ROBO2: variants seen among roughly 807,000 people sequenced by gnomAD.
The protein encoded by ROBO2 is roundabout guidance receptor 2.
Under a neutral mutation model 160.8 loss-of-function variants are expected in ROBO2, and 53 were observed. The ratio of observed to expected loss-of-function variants is 0.33; its 90% confidence interval spans 0.26 to 0.41. The LOEUF is 0.41. ROBO2 is among the 10% of genes least tolerant of loss of function. ROBO2 has a pLI of 1.00. For synonymous variants in ROBO2, 664 were observed against 611.7 expected, an observed-to-expected ratio of 1.09 and a Z score of -1.26; for missense variants, 1,577 against 1,722.4, an observed-to-expected ratio of 0.92 and a Z score of 1.49.
At chr3:77,049,814 G>A (rs142528730) in intron 1 of ROBO2, among the ~76,000 whole-genome samples, 20 of 152,272 alleles carry the variant, frequency 1.3e-4, no homozygotes, top group African/African-American at 4.8e-4. Context: ...GGCTTTTCAA[G>A]TTTAAGCAAG....
chr3:76,948,874 T>TTATATATATATATATA (rs71104642), intron 2 of ROBO2, among the ~76,000 whole-genome samples: 11 of 48,594 alleles, frequency 2.3e-4, no homozygotes, highest in African/African-American at 6.4e-4. Context: ...CCGGCTAATT[T>TTATATATATATATATA]TATATATATA....
At chr3:76,827,990 TTAAAA>T (rs1215187429) in intron 2 of ROBO2, among the ~76,000 whole-genome samples, 4 of 152,302 alleles carry the variant, frequency 2.6e-5, no homozygotes, top group East Asian at 1.9e-4. Flanking sequence ...GTTAAGGGTC[TTAAAA>T]TAAAGAGTTG....
chr3:76,051,410 A>G (rs2067649218), intron 2 of ROBO2, among the ~76,000 whole-genome samples: 2 of 152,312 alleles, frequency 1.3e-5, no homozygotes, highest in East Asian at 1.9e-4. Flanking sequence ...TTGTTTTCAC[A>G]TGTATATTAC....
intron 2 of ROBO2, among the ~76,000 whole-genome samples, chr3:76,837,768 T>C (rs1576960111): frequency 6.6e-6 from 1 of 151,984 alleles, no homozygotes; most frequent in East Asian, 1.9e-4. Flanking sequence ...CACAGTATAG[T>C]TATGAAATTC....
chr3:76,352,334 C>T (rs143689883), intron 2 of ROBO2, among the ~76,000 whole-genome samples: 1 of 152,134 alleles, frequency 6.6e-6, no homozygotes, highest in African/African-American at 2.4e-5. Context: ...CACATCCCCT[C>T]GTTCCTACTG....
intron 24 of ROBO2, among the ~76,000 whole-genome samples, chr3:77,638,917 T>C (rs779176779): frequency 1.2e-4 from 18 of 146,148 alleles, no homozygotes; most frequent in Non-Finnish European, 2.5e-4. Context: ...ACTCCCACCT[T>C]CCGGGTTCAA....
At chr3:76,220,748 A>AACAC (rs370105134) in intron 2 of ROBO2, among the ~76,000 whole-genome samples, 31 of 151,090 alleles carry the variant, frequency 2.1e-4, no homozygotes, top group African/African-American at 7.0e-4. Context: ...ATTTGATGAA[A>AACAC]ACACACACAC....
In ROBO2 at chr3:76,268,954, G is replaced by T. The variant is rs996158151; in HGVS notation, c.109+331352G>T. Among the ~76,000 whole-genome samples the T allele has an allele frequency of 6.6e-5, 10 of 151,994 alleles. No homozygotes were observed. In the South Asian group the frequency reaches 1.5e-3, roughly 22 times the overall value. On this transcript the variant is annotated intron_variant, in intron 2 of 26. Coordinates refer to the ROBO2 transcript ENST00000487694. ...TTGTTAACCTAGTAGCCATTTGTTG[G>T]CAGTAATTCAAATCAGAGATTTGTT...
chr3:76,036,002 T>A (rs1431633794), intron 2 of ROBO2, among the ~76,000 whole-genome samples: 1 of 151,982 alleles, frequency 6.6e-6, no homozygotes, highest in East Asian at 1.9e-4. Context: ...CTCTTTTTTT[T>A]AACTTACATT....
chr3:76,943,987 T>C (rs1182473533), intron 2 of ROBO2, among the ~76,000 whole-genome samples: 1 of 152,214 alleles, frequency 6.6e-6, no homozygotes, highest in Non-Finnish European at 1.5e-5. Context: ...TTTATTTTTC[T>C]CTTTAAAATG....
chr3:77,402,077 C>T (rs1240763740), intron 2 of ROBO2, among the ~76,000 whole-genome samples: 1 of 152,158 alleles, frequency 6.6e-6, no homozygotes, highest in Admixed American at 6.6e-5. Flanking sequence ...TGCATATATA[C>T]ACCATGAAAT....
intron 2 of ROBO2, among the ~76,000 whole-genome samples, chr3:77,360,801 ATTCTT>A (rs2069860560): frequency 6.6e-6 from 1 of 152,048 alleles, no homozygotes; most frequent in Non-Finnish European, 1.5e-5. Context: ...TCACAACTTA[ATTCTT>A]AGCACTTTCA....
At chr3:76,674,066 T>C (rs954761406) in intron 2 of ROBO2, among the ~76,000 whole-genome samples, 2 of 152,062 alleles carry the variant, frequency 1.3e-5, no homozygotes, top group East Asian at 1.9e-4. Context: ...TGTCATTCAT[T>C]TTATATATTC....
intron 2 of ROBO2, among the ~76,000 whole-genome samples, chr3:76,738,383 T>C (rs552008740): frequency 2.0e-5 from 3 of 152,130 alleles, no homozygotes; most frequent in Non-Finnish European, 2.9e-5. Context: ...GTTGACCTTT[T>C]GGGCCAAATA....
intron 2 of ROBO2, among the ~76,000 whole-genome samples, chr3:76,918,358 C>A (rs763959741): frequency 1.8e-4 from 27 of 152,110 alleles, no homozygotes; most frequent in Non-Finnish European, 3.4e-4. Flanking sequence ...GTGCCTTCTG[C>A]CATGATTGTA....
At chr3:77,240,273 G>A (rs192406727) in intron 2 of ROBO2, among the ~76,000 whole-genome samples, 3 of 152,264 alleles carry the variant, frequency 2.0e-5, no homozygotes, top group East Asian at 3.9e-4. Flanking sequence ...CGAGTGTGGC[G>A]CGGGTGGGCT....
chr3:76,282,834 T>C (rs1282376415), intron 2 of ROBO2, among the ~76,000 whole-genome samples: 1 of 151,718 alleles, frequency 6.6e-6, no homozygotes, highest in Non-Finnish European at 1.5e-5. Context: ...TTTGCAAAAA[T>C]CTCAGTAAGA....
intron 2 of ROBO2, among the ~76,000 whole-genome samples, chr3:76,222,108 G>C (rs1176625273): frequency 6.6e-6 from 1 of 152,122 alleles, no homozygotes; most frequent in Non-Finnish European, 1.5e-5. Flanking sequence ...CTATGTTGCT[G>C]AGTGCATGCA....
intron 2 of ROBO2, among the ~76,000 whole-genome samples, chr3:77,262,747 AG>A (rs1476738813): frequency 6.6e-6 from 1 of 152,196 alleles, no homozygotes; most frequent in African/African-American, 2.4e-5. Context: ...TTGGTCATTT[AG>A]CATCATAAAT....
Sources: allele counts gnomAD v4.1 joint callset (sites outside exome capture counted in the v4.1 genomes callset), GRCh38; gene constraint gnomAD v4.1.1; transcripts MANE v1.5; gene names NCBI Gene and HGNC (gene_info 2026-07-23, HGNC 2026-07-21).